The following APBA1 variants were observed in gnomAD, a reference collection of about 807,000 sequenced individuals.
APBA1 encodes the protein amyloid-beta A4 precursor protein-binding family A member 1.
Under a neutral mutation model 86.6 loss-of-function variants are expected in APBA1, and 55 were observed. That is an observed-to-expected ratio of 0.64 (90% confidence interval 0.51 to 0.80). The LOEUF (loss-of-function observed/expected upper bound fraction) is 0.80, where lower values mean the gene tolerates loss of function less well. APBA1 is among the 30% of genes least tolerant of loss of function. APBA1 has a pLI of 0.00. For synonymous variants in APBA1, 511 were observed against 493.9 expected (o/e 1.03, Z -0.46); for missense variants, 1,090 against 1,183.0 (o/e 0.92, Z 1.15).
At chr9:69,515,072 T>C (rs1040268693) in intron 2 of APBA1, among the ~76,000 whole-genome samples, 1 of 152,210 alleles carries the variant, frequency 6.6e-6, no homozygotes, top group African/African-American at 2.4e-5. Context: ...GCATGAGAAC[T>C]TGTTAGTGAC....
intron 1 of APBA1, among the ~76,000 whole-genome samples, chr9:69,636,746 G>A (rs1053157849): frequency 1.4e-5 from 2 of 146,794 alleles, no homozygotes; most frequent in African/African-American, 2.5e-5. Flanking sequence ...AATGAGCCAT[G>A]ATGGCACCAC....
intron 2 of APBA1, among the ~76,000 whole-genome samples, chr9:69,510,236 A>G (rs1308668758): frequency 6.6e-6 from 1 of 151,714 alleles, no homozygotes; most frequent in Non-Finnish European, 1.5e-5. Context: ...CAGGATACAA[A>G]ATCAATGTAT....
At chr9:69,521,826 G>A (rs746185637) in intron 1 of APBA1, among the ~76,000 whole-genome samples, 3 of 152,058 alleles carry the variant, frequency 2.0e-5, no homozygotes, top group Admixed American at 6.6e-5. Flanking sequence ...CAGGTGTGGC[G>A]TGAGTAAGGG....
chr9:69,467,671 T>C, intron 5 of APBA1, 152 bp downstream of exon 5: 1 of 1,075,820 alleles, frequency 9.3e-7, no homozygotes, highest in Non-Finnish European at 1.3e-6. Flanking sequence ...AATTTTTGTT[T>C]TGTTAGCAGG....
chr9:69,644,908 A>T (rs1460546787), intron 1 of APBA1, among the ~76,000 whole-genome samples: 1 of 152,162 alleles, frequency 6.6e-6, no homozygotes, highest in African/African-American at 2.4e-5. Flanking sequence ...TCAGGGTAGA[A>T]GATGATTATG....
chr9:69,449,923 G>A, intron 9 of APBA1, 127 bp from the exon 10 acceptor site: 1 of 723,454 alleles, frequency 1.4e-6, no homozygotes, highest in Non-Finnish European at 2.2e-6. Flanking sequence ...CAACCCAGAT[G>A]AGTTCCTGTC....
intron 1 of APBA1, among the ~76,000 whole-genome samples, chr9:69,580,698 G>C (rs1197845029): frequency 6.6e-6 from 1 of 152,100 alleles, no homozygotes; most frequent in Non-Finnish European, 1.5e-5. Flanking sequence ...AAAACCAAAA[G>C]CGTGAAATGC....
intron 1 of APBA1, among the ~76,000 whole-genome samples, chr9:69,554,033 G>C (rs916813874): frequency 2.6e-5 from 4 of 152,120 alleles, no homozygotes; most frequent in Admixed American, 6.5e-5. Flanking sequence ...GAAAGTGTGT[G>C]TCACCTGGAA....
chr9:69,588,643 T>C (rs1262111705), intron 1 of APBA1, among the ~76,000 whole-genome samples: 1 of 152,188 alleles, frequency 6.6e-6, no homozygotes, highest in Non-Finnish European at 1.5e-5. Flanking sequence ...GATGTCAACA[T>C]AGACATCAGA....
At position 69,510,344 on chromosome 9, in the gene APBA1, C is replaced by T. The variant is rs967654604; in HGVS notation, c.1200+5667G>A. On this transcript the variant is annotated intron_variant, in intron 2 of 12. Transcript: ENST00000265381. ...CAATTGCTTCACAGAGAATAAAATA[C>T]CTAGGAATCCAACTTACAAGGGATG... Among the ~76,000 whole-genome samples the T allele has an allele frequency of 1.9e-3, 281 of 150,996 alleles. 2 individuals are homozygous for T. Among genetic ancestry groups the T allele is most frequent in the Non-Finnish European group, 3.0e-3 (205 of 67,850 alleles).
chr9:69,490,159 G>A (rs1027337125), intron 2 of APBA1, among the ~76,000 whole-genome samples: 1 of 152,050 alleles, frequency 6.6e-6, no homozygotes, highest in Non-Finnish European at 1.5e-5. Context: ...AAAATGATGA[G>A]TTCATGTCCT....
At chr9:69,535,652 A>T (rs1836496490) in intron 1 of APBA1, among the ~76,000 whole-genome samples, 1 of 151,816 alleles carries the variant, frequency 6.6e-6, no homozygotes, top group African/African-American at 2.4e-5. Context: ...TTCTGGAATG[A>T]TCCTCTACTT....
intron 1 of APBA1, among the ~76,000 whole-genome samples, chr9:69,553,734 C>G (rs945447748): frequency 6.6e-6 from 1 of 152,156 alleles, no homozygotes; most frequent in African/African-American, 2.4e-5. Context: ...AGTTTAGGAG[C>G]CACAGATCTT....
At chr9:69,615,674 T>TA (rs1391548321) in intron 1 of APBA1, among the ~76,000 whole-genome samples, 1 of 152,218 alleles carries the variant, frequency 6.6e-6, no homozygotes, top group Admixed American at 6.5e-5. Flanking sequence ...ATACACCTGT[T>TA]ATTAGAATAC....
rs1182538464 is a variant in APBA1, at chr9:69,540,159, A to AACAACAACAAC, written c.-69-22881_-69-22880insGTTGTTGTTGT. 1.1e-3 allele frequency among the ~76,000 whole-genome samples: 92 copies of AACAACAACAAC among 86,544 alleles called. 1 individual carries two copies. The East Asian group carries it at 0.014, about 13-fold the overall frequency. 56.8% of individuals were successfully genotyped at this position (86,544 alleles called of 152,430 possible). ...ACAACAACAACAACAACAACAACAA[A>AACAACAACAAC]AGTCACCTTATAAGACATGCTCCCT... On this transcript the variant is annotated intron_variant, in intron 1 of 12. Transcript: ENST00000265381.
rs746037136 is a variant in APBA1 at position 69,449,675 on chromosome 9, G to A, written c.2090C>T (p.Ser697Phe). ...CTGGTCACCGATATTCAGCTTCCCA[G>A]ATTTCTCCGCAGGGCCACCATGCAT... ...NMMHGGPAEK[S>F]GKLNIGDQIM... The change falls in exon 10 of 13, where the codon TCT becomes TTT. Residue 697 changes from serine to phenylalanine, a missense_variant. Physicochemically the swap from Ser to Phe is radical, Grantham distance 155. This residue lies in a region of APBA1 where 97 missense variants were observed against 166.8 expected (regional missense o/e 0.58). Coordinates refer to ENST00000265381, the MANE Select transcript of APBA1 (RefSeq NM_001163.4). 1 of 1,614,012 alleles carries A rather than the reference G, an allele frequency of 6.2e-7. No individual in the cohort carries two copies. The highest frequency in any genetic ancestry group is 1.1e-5 in the South Asian group (1 of 91,050).
At chr9:69,558,561 C>CACACATATATAT (rs1554701130) in intron 1 of APBA1, among the ~76,000 whole-genome samples, 6 of 142,818 alleles carry the variant, frequency 4.2e-5, no homozygotes, top group African/African-American at 1.7e-4. Flanking sequence ...CACACACACA[C>CACACATATATAT]ATATATATAT....
intron 5 of APBA1, among the ~76,000 whole-genome samples, chr9:69,466,856 A>T (rs1835288085): frequency 6.6e-6 from 1 of 152,190 alleles, no homozygotes; most frequent in Non-Finnish European, 1.5e-5. Flanking sequence ...TCCTTGAGGG[A>T]AGAATCCATT....
chr9:69,623,129 C>T (rs1376872229), intron 1 of APBA1, among the ~76,000 whole-genome samples: 1 of 152,118 alleles, frequency 6.6e-6, no homozygotes, highest in East Asian at 1.9e-4. Flanking sequence ...TTAAGAGCAG[C>T]TCATAGGCAC....
Sources: allele counts gnomAD v4.1 joint callset (sites outside exome capture counted in the v4.1 genomes callset), GRCh38; gene constraint gnomAD v4.1.1; regional missense constraint gnomAD v4.1.1; transcripts MANE v1.5; gene names NCBI Gene and HGNC (gene_info 2026-07-23, HGNC 2026-07-21).